Variants in MOCOS observed in about 807,000 individuals in gnomAD.
MOCOS encodes the protein human molybdenum cofactor sulfurase.
MOCOS carries 86 observed loss-of-function variants against 83.6 expected under a neutral mutation model. The observed-to-expected ratio is 1.03, with a 90% CI of 0.86 to 1.23. The LOEUF (loss-of-function observed/expected upper bound fraction) is 1.23, where lower values mean the gene tolerates loss of function less well. Among genes scored for constraint, MOCOS ranks in the 50% most tolerant of loss-of-function variants. MOCOS has a pLI of 0.00. For synonymous variants in MOCOS, 445 were observed against 434.7 expected (o/e 1.02, Z -0.29); for missense variants, 1,120 against 1,126.9 (o/e 0.99, Z 0.09).
At chr18:36,201,270 C>T (rs1480676494) in intron 4 of MOCOS, among the ~76,000 whole-genome samples, 1 of 152,230 alleles carries the variant, frequency 6.6e-6, no homozygotes, top group Non-Finnish European at 1.5e-5. Flanking sequence ...GTGTAAGCCT[C>T]AGGCTGGACC....
intron 2 of MOCOS, among the ~76,000 whole-genome samples, chr18:36,195,985 AAG>A (rs1161793818): frequency 2.0e-5 from 3 of 152,136 alleles, no homozygotes; most frequent in Non-Finnish European, 2.9e-5. Flanking sequence ...TCACTCAGAC[AAG>A]AGGGGGAGAA....
chr18:36,195,270 T>C lies in MOCOS; in HGVS notation c.156T>C (p.Leu52=). The C allele has an allele frequency of 6.2e-7, 1 of 1,614,146 alleles. No homozygotes were observed. ...GTTTTCTTTCAGGAACTGTCTATCT[T>C]GACCATGCAGGTGCCACCTTGTTCT... is the stretch of plus-strand genomic sequence containing the variant. ...EFSRLAGTVY[L]DHAGATLFSQ... is the part of the protein sequence containing the mutation. The change falls in exon 2 of 15, where the codon CTT becomes CTC. Residue 52 remains leucine, a synonymous_variant. Coordinates refer to ENST00000261326, the MANE Select transcript of MOCOS (RefSeq NM_017947.4).
At chr18:36,251,063 T>A in intron 10 of MOCOS, 96 bp from the exon 11 acceptor site, 1 of 1,445,326 alleles carries the variant, frequency 6.9e-7, no homozygotes, top group Non-Finnish European at 9.5e-7. Flanking sequence ...CAATGTTTTG[T>A]TTTATTTTAT....
rs2091693118 is a variant in MOCOS, at chr18:36,269,712, C to T, written c.*1027C>T. 1 of 152,320 alleles carries T rather than the reference C, an allele frequency of 6.6e-6. No homozygotes were observed. The highest frequency in any genetic ancestry group is 1.5e-5 in the Non-Finnish European group (1 of 68,130). 9.4% of individuals were successfully genotyped at this position (152,320 alleles called of 1,614,324 possible). A position where few individuals can be genotyped will look rare whatever the true frequency, so the allele number is the denominator to read the frequency against. ...CACTCCACATTCATTCTGCTGGCGT[C>T]CTTCTGAAGCCTGCTGTCCATGTGT... On this transcript the variant is annotated 3_prime_UTR_variant, in exon 15 of 15. Transcript: ENST00000261326.
chr18:36,265,498 C>T (rs1407092965), intron 13 of MOCOS, among the ~76,000 whole-genome samples: 1 of 151,968 alleles, frequency 6.6e-6, no homozygotes. Context: ...TGTATTTGCC[C>T]GTGAGTGAGC....
In MOCOS at chr18:36,248,911, T is replaced by C. The variant is rs777817692; in HGVS notation, c.1961-11T>C. ...ATAATGATAAATTTGTTTTTAACCT[T>C]TGTTCATTAGGGATGGAGCCTATAG... On this transcript the variant is annotated splice_polypyrimidine_tract_variant and intron_variant, in intron 9 of 14. Transcript: ENST00000261326. The C allele has an allele frequency of 1.9e-6, 3 of 1,612,170 alleles. No individual in the cohort carries two copies. The South Asian group carries it at 3.3e-5, about 18-fold the overall frequency.
intron 1 of MOCOS, among the ~76,000 whole-genome samples, chr18:36,190,567 G>T (rs1216567905): frequency 1.3e-5 from 2 of 151,932 alleles, no homozygotes; most frequent in Non-Finnish European, 2.9e-5. Flanking sequence ...TGGGCAACAT[G>T]GTGAAACCCC....
rs989509510 is a variant in MOCOS, at chr18:36,229,394, C to T, written c.1960+9177C>T. ...ATCCACTGATTGTATTATGAGGGTT[C>T]CCTTGTATATGACAAGTCAGTTTTC... On this transcript the variant is annotated intron_variant, in intron 9 of 14. Coordinates refer to ENST00000261326, the MANE Select transcript of MOCOS (RefSeq NM_017947.4). Among the ~76,000 whole-genome samples, 6 of 152,180 alleles carry T rather than the reference C, an allele frequency of 3.9e-5. No individual in the cohort carries two copies. In the East Asian group the frequency reaches 1.2e-3, roughly 29 times the overall value.
intron 2 of MOCOS, among the ~76,000 whole-genome samples, chr18:36,196,276 GA>G (rs1342935743): frequency 1.3e-5 from 2 of 152,200 alleles, no homozygotes; most frequent in Non-Finnish European, 2.9e-5. Context: ...TGAGAATAAC[GA>G]TAAGTAACAT....
intron 9 of MOCOS, among the ~76,000 whole-genome samples, chr18:36,240,577 GCTGT>G (rs1417882456): frequency 1.3e-5 from 2 of 151,844 alleles, no homozygotes; most frequent in Non-Finnish European, 2.9e-5. Context: ...AGAGGTTACT[GCTGT>G]CTTTTTGTTT....
rs190913736 is a variant in MOCOS at position 36,206,308 on chromosome 18, G to A, written c.1218+1032G>A. Reference sequence around the variant, plus strand: ...GTCACCCAGGCTGGAGTGCAGTGGCGTGATCTCAGCTCACTGCAACCTCCA... The same window carrying A: ...GTCACCCAGGCTGGAGTGCAGTGGCATGATCTCAGCTCACTGCAACCTCCA... On this transcript the variant is annotated intron_variant, in intron 6 of 14. Transcript: ENST00000261326. Among the ~76,000 whole-genome samples the A allele has an allele frequency of 2.8e-3, 386 of 140,058 alleles. 2 individuals are homozygous for A. The highest frequency in any genetic ancestry group is 9.8e-3 in the African/African-American group (365 of 37,116). 91.9% of individuals were successfully genotyped at this position (140,058 alleles called of 152,430 possible).
chr18:36,199,406 G>C (rs982410001), intron 3 of MOCOS, among the ~76,000 whole-genome samples: 2 of 152,222 alleles, frequency 1.3e-5, no homozygotes, highest in African/African-American at 4.8e-5. Context: ...AAGCACCAAG[G>C]AGAGAAAGTA....
intron 9 of MOCOS, among the ~76,000 whole-genome samples, chr18:36,238,585 TG>T (rs1200840931): frequency 6.8e-6 from 1 of 147,974 alleles, no homozygotes; most frequent in Non-Finnish European, 1.5e-5. Context: ...AGGTGTGGTG[TG>T]GTGCTGAAAA....
intron 9 of MOCOS, among the ~76,000 whole-genome samples, chr18:36,233,898 T>A (rs2091547996): frequency 1.1e-5 from 1 of 87,904 alleles, no homozygotes; most frequent in Admixed American, 1.4e-4. Context: ...TTTTTGTTGC[T>A]GATTTGTTTG....
At chr18:36,197,886 A>G (rs900498174) in intron 2 of MOCOS, among the ~76,000 whole-genome samples, 1 of 152,202 alleles carries the variant, frequency 6.6e-6, no homozygotes, top group Non-Finnish European at 1.5e-5. Flanking sequence ...AAGATCCTTC[A>G]TGCCCATTAC....
intron 13 of MOCOS, among the ~76,000 whole-genome samples, chr18:36,263,415 C>T (rs1388910137): frequency 6.6e-6 from 1 of 152,234 alleles, no homozygotes; most frequent in Non-Finnish European, 1.5e-5. Flanking sequence ...CCATGGAATG[C>T]CAGGCCATCC....
chr18:36,193,815 A>AACACATCCAC (rs1362007826), intron 1 of MOCOS, among the ~76,000 whole-genome samples: 44 of 152,218 alleles, frequency 2.9e-4, no homozygotes, highest in Admixed American at 2.9e-3. Context: ...AATGAGAGAA[A>AACACATCCAC]ACACATCCAC....
intron 5 of MOCOS, among the ~76,000 whole-genome samples, chr18:36,204,058 A>C (rs1279062450): frequency 6.6e-6 from 1 of 152,222 alleles, no homozygotes; most frequent in Non-Finnish European, 1.5e-5. Context: ...TTTTTAAAAA[A>C]TAAAAATTGT....
In MOCOS at chr18:36,243,186, G is replaced by A. The variant is rs927235357; in HGVS notation, c.1961-5736G>A. On this transcript the variant is annotated intron_variant, in intron 9 of 14. Transcript: ENST00000261326. ...GGGAGCTTTTTGGATGAGTCTTTAA[G>A]GTTTTTTAGGTATACAGTTATATCA... 5.3e-5 allele frequency among the ~76,000 whole-genome samples: 8 copies of A among 152,174 alleles called. No individual in the cohort carries two copies. In the East Asian group the frequency reaches 1.2e-3, roughly 22 times the overall value.
Sources: allele counts gnomAD v4.1 joint callset (sites outside exome capture counted in the v4.1 genomes callset), GRCh38; gene constraint gnomAD v4.1.1; transcripts MANE v1.5; gene names NCBI Gene and HGNC (gene_info 2026-07-23, HGNC 2026-07-21).